The following EPHB1 variants were observed in gnomAD, a reference collection of about 807,000 sequenced individuals.
EPHB1 encodes the protein ephrin type-B receptor 1.
In EPHB1, 30 loss-of-function variants were observed where a neutral mutation model predicts 94.4. That is an observed-to-expected ratio of 0.32 (90% CI 0.24 to 0.43). The LOEUF (loss-of-function observed/expected upper bound fraction) is 0.43, where lower values mean the gene tolerates loss of function less well. Ranked by LOEUF, EPHB1 falls within the 20% of genes least tolerant of loss-of-function variation. EPHB1 has a pLI of 1.00. For synonymous variants in EPHB1, 522 were observed against 489.1 expected, an observed-to-expected ratio of 1.07 and a Z score of -0.89; for missense variants, 1,055 against 1,308.3, an observed-to-expected ratio of 0.81 and a Z score of 2.99.
chr3:134,937,225 GGCTTCCTAGGACCAA>G (rs2039020815), intron 2 of EPHB1, among the ~76,000 whole-genome samples: 1 of 152,198 alleles, frequency 6.6e-6, no homozygotes, highest in Non-Finnish European at 1.5e-5. Flanking sequence ...TTTTCTGCAG[GGCTTCCTAGGACCAA>G]GCTCCAGCAT....
intron 1 of EPHB1, among the ~76,000 whole-genome samples, chr3:134,835,703 C>T (rs1214872334): frequency 6.6e-6 from 1 of 152,124 alleles, no homozygotes; most frequent in Non-Finnish European, 1.5e-5. Context: ...GAGGAAAGAC[C>T]CCTGATCCTT....
intron 13 of EPHB1, among the ~76,000 whole-genome samples, chr3:135,242,899 A>G (rs1943820687): frequency 6.6e-6 from 1 of 152,074 alleles, no homozygotes; most frequent in Non-Finnish European, 1.5e-5. Flanking sequence ...TCAATGTGGT[A>G]CAACTTTGTC....
chr3:135,086,090 A>G lies in EPHB1; in HGVS notation c.806-20358A>G, dbSNP rs373242642. Among the ~76,000 whole-genome samples, 289 of 152,194 alleles carry G rather than the reference A, an allele frequency of 1.9e-3. 4 individuals are homozygous for G. The highest frequency in any genetic ancestry group is 6.7e-3 in the African/African-American group (280 of 41,532). ...CCTTTCCACAGAAGGGCCTCTTTGC[A>G]TTTCTGTTGTTCTACTCCACACAAA... On this transcript the variant is annotated intron_variant, in intron 3 of 15. Transcript: ENST00000398015.
At chr3:135,174,574 T>C (rs1011930798) in intron 9 of EPHB1, among the ~76,000 whole-genome samples, 4 of 152,190 alleles carry the variant, frequency 2.6e-5, no homozygotes, top group Non-Finnish European at 4.4e-5. Context: ...TTATTTCATA[T>C]CTTAATTGCC....
At chr3:135,049,263 C>A (rs773791587) in intron 3 of EPHB1, among the ~76,000 whole-genome samples, 1 of 152,194 alleles carries the variant, frequency 6.6e-6, no homozygotes, top group East Asian at 1.9e-4. Flanking sequence ...GTCTAACAAA[C>A]GCATTGGCTA....
chr3:135,258,050 C>T (rs1157557823), intron 15 of EPHB1, among the ~76,000 whole-genome samples: 1 of 152,202 alleles, frequency 6.6e-6, no homozygotes, highest in African/African-American at 2.4e-5. Context: ...CCAAGTGAGG[C>T]AATGCCTCAC....
At chr3:135,138,354 T>C (rs902997961) in intron 5 of EPHB1, among the ~76,000 whole-genome samples, 3 of 152,220 alleles carry the variant, frequency 2.0e-5, no homozygotes, top group Non-Finnish European at 4.4e-5. Flanking sequence ...ACAAAAGAAT[T>C]ACCTAGCCCA....
intron 3 of EPHB1, among the ~76,000 whole-genome samples, chr3:134,978,958 T>C (rs568076478): frequency 6.6e-6 from 1 of 152,346 alleles, no homozygotes; most frequent in African/African-American, 2.4e-5. Flanking sequence ...TTGGGTTTTC[T>C]CCTCCATGAT....
At chr3:134,954,595 C>A (rs1449461861) in intron 3 of EPHB1, among the ~76,000 whole-genome samples, 1 of 152,138 alleles carries the variant, frequency 6.6e-6, no homozygotes, top group Non-Finnish European at 1.5e-5. Flanking sequence ...GTCCTCTGAG[C>A]CTGGCTGGGT....
At chr3:135,129,333 G>A (rs11708046) in intron 4 of EPHB1, among the ~76,000 whole-genome samples, 33,883 of 151,466 alleles carry the variant, frequency 0.22, 4,829 homozygotes, top group Non-Finnish European at 0.32. Flanking sequence ...TGAGAGACTG[G>A]GCAAAACTCT....
rs545326154 is a variant in EPHB1, at chr3:134,995,837, T to C, written c.805+43785T>C. 8.5e-5 allele frequency among the ~76,000 whole-genome samples: 13 copies of C among 152,348 alleles called. No individual in the cohort carries two copies. The South Asian group carries it at 2.3e-3, about 27-fold the overall frequency. On this transcript the variant is annotated intron_variant, in intron 3 of 15. Coordinates refer to ENST00000398015, the MANE Select transcript of EPHB1 (RefSeq NM_004441.5). ...AAACAAGTTTTTAAAAATGTATATG[T>C]AATTCATATTCATGGTAGAAGTAGA...
chr3:135,054,050 C>A (rs929298312), intron 3 of EPHB1, among the ~76,000 whole-genome samples: 9 of 148,868 alleles, frequency 6.0e-5, no homozygotes, highest in African/African-American at 1.0e-4. Context: ...TACACACACA[C>A]ACACACACAC....
At chr3:134,835,448 G>A (rs2108294823) in intron 1 of EPHB1, among the ~76,000 whole-genome samples, 1 of 152,344 alleles carries the variant, frequency 6.6e-6, no homozygotes, top group African/African-American at 2.4e-5. Context: ...GACATTTACT[G>A]ATGTGGATGG....
rs144143659 is a variant in EPHB1, at chr3:135,064,965, A to G, written c.806-41483A>G. ...CTATCTTGATTTTGTTTTTGACCCA[A>G]TGCTCATTCAGGACAGGTTATTTAA... On this transcript the variant is annotated intron_variant, in intron 3 of 15. Coordinates refer to ENST00000398015, the MANE Select transcript of EPHB1 (RefSeq NM_004441.5). Among the ~76,000 whole-genome samples, 921 of 152,194 alleles carry G rather than the reference A, an allele frequency of 6.1e-3. 3 individuals are homozygous for G. The highest frequency in any genetic ancestry group is 9.5e-3 in the Admixed American group (145 of 15,278).
chr3:135,212,237 A>G (rs1336301009), intron 12 of EPHB1, among the ~76,000 whole-genome samples: 1 of 151,786 alleles, frequency 6.6e-6, no homozygotes, highest in African/African-American at 2.4e-5. Context: ...TCTTTACCTC[A>G]TTGACCATAG....
In EPHB1 at chr3:135,241,182, A is replaced by G. The variant is rs1407516775; in HGVS notation, c.2381A>G (p.Glu794Gly). The stretch of plus-strand genomic sequence containing the variant: ...ATCCCTGTGAGATGGACAGCTCCAG[A>G]GGCCATCGCCTACCGCAAGTTCACT... ...GKIPVRWTAP[E>G]AIAYRKFTSA... Residue 794 changes from glutamate to glycine, a missense_variant, in exon 13 of 16, where the codon GAG (glutamate) becomes GGG (glycine). Coordinates refer to ENST00000398015, the MANE Select transcript of EPHB1 (RefSeq NM_004441.5). 6.2e-7 allele frequency: 1 copy of G among 1,614,180 alleles called. No individual in the cohort carries two copies. Among genetic ancestry groups the G allele is most frequent in the African/African-American group, 1.3e-5 (1 of 75,050 alleles).
chr3:135,186,499 T>C (rs1012510422), intron 10 of EPHB1, among the ~76,000 whole-genome samples: 5 of 152,238 alleles, frequency 3.3e-5, no homozygotes, highest in Non-Finnish European at 1.5e-5. Flanking sequence ...TCTTTAAAAA[T>C]TCCATTTCTG....
intron 12 of EPHB1, among the ~76,000 whole-genome samples, chr3:135,210,702 C>T (rs1253657153): frequency 6.6e-6 from 1 of 152,212 alleles, no homozygotes; most frequent in South Asian, 2.1e-4. Flanking sequence ...ATTGCAGCGG[C>T]AGCTTTGGCC....
At chr3:134,938,686 C>T (rs2039058415) in intron 2 of EPHB1, among the ~76,000 whole-genome samples, 2 of 152,162 alleles carry the variant, frequency 1.3e-5, no homozygotes, top group Admixed American at 1.3e-4. Flanking sequence ...AAGTGTGTGT[C>T]CCCAGAGGGT....
Sources: gnomAD v4.1 joint callset for allele counts (sites outside exome capture counted in the v4.1 genomes callset) on GRCh38, gnomAD v4.1.1 for gene constraint, MANE v1.5 for transcripts, NCBI Gene and HGNC (gene_info 2026-07-23, HGNC 2026-07-21) for gene names.